TEX36: variants seen among roughly 807,000 people sequenced by gnomAD.
TEX36 encodes testis expressed 36.
Under a neutral mutation model 13.6 loss-of-function variants are expected in TEX36, and 12 were observed. That is an observed-to-expected ratio of 0.88 (90% confidence interval 0.56 to 1.43). The LOEUF is 1.43. TEX36 is among the 40% of genes most tolerant of loss of function. TEX36 has a pLI of 0.00. For synonymous variants in TEX36, 93 were observed against 83.0 expected (o/e 1.12, Z -0.65); for missense variants, 224 against 228.3 (o/e 0.98, Z 0.12).
At chr10:125,577,415 C>T (rs975869149) in intron 3 of TEX36, among the ~76,000 whole-genome samples, 20 of 152,254 alleles carry the variant, frequency 1.3e-4, no homozygotes, top group Non-Finnish European at 2.8e-4. Context: ...GGGAGCATCA[C>T]TTTAGCCTGG....
At chr10:125,667,154 G>A (rs1301211362) in intron 1 of TEX36, 9 of 677,320 alleles carry the variant, frequency 1.3e-5, no homozygotes, top group Non-Finnish European at 1.9e-5. Context: ...GTGATCCCAG[G>A]GACAGCGGGG....
Position 125,683,056 on chromosome 10 carries a change from G to A in TEX36, c.-67C>T, listed in dbSNP as rs1847422542. The stretch of plus-strand genomic sequence containing the variant: ...CCTCTCCATAAGCTCTACATGTCTG[G>A]GAAGCTGCTTCCTAAACTTCATAAG... On this transcript the variant is annotated 5_prime_UTR_variant, in exon 1 of 4. Coordinates refer to ENST00000368821, the MANE Select transcript of TEX36 (RefSeq NM_001128202.3). 6.6e-7 allele frequency: 1 copy of A among 1,523,018 alleles called. No individual in the cohort carries two copies. The allele number at this position is 1,523,018 out of a possible 1,614,324, so 94.3% of individuals were successfully genotyped here. A position where few individuals can be genotyped will look rare whatever the true frequency, so the allele number is the denominator to read the frequency against.
downstream of TEX36, among the ~76,000 whole-genome samples, chr10:125,654,187 A>C (rs1846906706): frequency 6.6e-6 from 1 of 152,088 alleles, no homozygotes; most frequent in Non-Finnish European, 1.5e-5. Context: ...TATTTTATAG[A>C]ATATTTATTT....
Position 125,655,878 on chromosome 10 carries a change from C to A in TEX36, c.*22G>T. On this transcript the variant is annotated 3_prime_UTR_variant, in exon 4 of 4. Coordinates refer to ENST00000368821, the MANE Select transcript of TEX36 (RefSeq NM_001128202.3). ...GATGAAATACCAGTATTACAAAATT[C>A]ATCAAAAATCTTCTGGGAGGATTAG... The A allele has an allele frequency of 6.9e-7, 1 of 1,459,314 alleles. No homozygotes were observed. The highest frequency in any genetic ancestry group is 9.1e-7 in the Non-Finnish European group (1 of 1,100,852). The allele number at this position is 1,459,314 out of a possible 1,614,324, so 90.4% of individuals were successfully genotyped here.
chr10:125,576,747 G>A (rs1470726555), exon 4 of TEX36: 1 of 1,534,772 alleles, frequency 6.5e-7, no homozygotes, highest in African/African-American at 1.4e-5. Flanking sequence ...CTCCCAAAGA[G>A]CTCACACTGC....
At chr10:125,628,567 A>G (rs1846515133) in intron 3 of TEX36, among the ~76,000 whole-genome samples, 2 of 152,204 alleles carry the variant, frequency 1.3e-5, no homozygotes, top group Admixed American at 6.5e-5. Context: ...CCCGATGATG[A>G]TAATTAGATT....
chr10:125,650,755 A>G (rs944897556), downstream of TEX36, among the ~76,000 whole-genome samples: 4 of 152,182 alleles, frequency 2.6e-5, no homozygotes, highest in African/African-American at 9.6e-5. Flanking sequence ...GACCACTAGC[A>G]AGACTAATAA....
chr10:125,636,378 T>TG (rs2133571295), intron 3 of TEX36, among the ~76,000 whole-genome samples: 1 of 151,208 alleles, frequency 6.6e-6, no homozygotes, highest in Non-Finnish European at 1.5e-5. Context: ...GCTAATTTTT[T>TG]TTTTTTTATA....
chr10:125,668,122 C>CT (rs35740159), intron 1 of TEX36, among the ~76,000 whole-genome samples: 3 of 151,770 alleles, frequency 2.0e-5, no homozygotes, highest in Admixed American at 2.0e-4. Context: ...CTGTAGTTGT[C>CT]TTTTTTTTGT....
intron 1 of TEX36, among the ~76,000 whole-genome samples, chr10:125,666,211 C>T (rs1179968463): frequency 6.6e-6 from 1 of 152,146 alleles, no homozygotes; most frequent in African/African-American, 2.4e-5. Flanking sequence ...ACTGATTGCT[C>T]TGGCTAGGAC....
chr10:125,609,157 G>GAAA, intron 3 of TEX36, among the ~76,000 whole-genome samples: 1 of 102,900 alleles, frequency 9.7e-6, no homozygotes, highest in African/African-American at 6.5e-5. Flanking sequence ...TCCATCTCAG[G>GAAA]AAAAAACAAA....
chr10:125,635,191 T>C (rs550787170), intron 3 of TEX36, among the ~76,000 whole-genome samples: 57 of 152,262 alleles, frequency 3.7e-4, no homozygotes, highest in Non-Finnish European at 6.0e-4. Flanking sequence ...CTCCACCACA[T>C]TGCTCCATGC....
At chr10:125,615,678 G>A (rs1285311380) in intron 3 of TEX36, among the ~76,000 whole-genome samples, 5 of 150,056 alleles carry the variant, frequency 3.3e-5, no homozygotes, top group Admixed American at 6.6e-5. Context: ...TGCTGGATTC[G>A]TTTTGCCAGT....
downstream of TEX36, among the ~76,000 whole-genome samples, chr10:125,621,323 G>A (rs551161059): frequency 1.3e-5 from 2 of 151,924 alleles, no homozygotes; most frequent in South Asian, 2.1e-4. Context: ...AGAGCACAGG[G>A]GCTCCAATTT....
At chr10:125,679,140 C>A (rs1390210980) in intron 1 of TEX36, among the ~76,000 whole-genome samples, 1 of 134,644 alleles carries the variant, frequency 7.4e-6, no homozygotes, top group Admixed American at 7.5e-5. Flanking sequence ...ACAGGAGCAC[C>A]CCCCCCGCCC....
chr10:125,646,156 T>C (rs759183185), intron 3 of TEX36, among the ~76,000 whole-genome samples: 1 of 152,084 alleles, frequency 6.6e-6, no homozygotes, highest in African/African-American at 2.4e-5. Context: ...GGTGAAACCC[T>C]GTCTCCACTA....
rs542911650 is a variant in TEX36 at position 125,674,255 on chromosome 10, T to A, written c.51+8684A>T. Among the ~76,000 whole-genome samples, 54 of 152,290 alleles carry A rather than the reference T, an allele frequency of 3.5e-4. No homozygotes were observed. The South Asian group carries it at 0.011, about 30-fold the overall frequency. On this transcript the variant is annotated intron_variant, in intron 1 of 3. Transcript: ENST00000368821. ...TGCATTGTGACGTTTTCATGTTGAG[T>A]TTTTCAGCTCCATCAGATCATTTAT...
chr10:125,579,344 G>A (rs979476868), intron 3 of TEX36, among the ~76,000 whole-genome samples: 12 of 152,244 alleles, frequency 7.9e-5, no homozygotes, highest in African/African-American at 2.4e-4. Flanking sequence ...TGGGAAGGGG[G>A]GCAAAGCCCC....
intron 3 of TEX36, among the ~76,000 whole-genome samples, chr10:125,587,419 G>T (rs1275906879): frequency 6.6e-6 from 1 of 152,184 alleles, no homozygotes; most frequent in Non-Finnish European, 1.5e-5. Context: ...GTTTAAAAAA[G>T]TTACAGAGTA....
Sources: gnomAD v4.1 joint callset for allele counts (sites outside exome capture counted in the v4.1 genomes callset) on GRCh38, gnomAD v4.1.1 for gene constraint, MANE v1.5 for transcripts, NCBI Gene and HGNC (gene_info 2026-07-23, HGNC 2026-07-21) for gene names.